Variants in ELOVL7 observed in about 807,000 individuals in gnomAD.
ELOVL7 encodes very long chain fatty acid elongase 7.
In ELOVL7, 27 loss-of-function variants were observed where a neutral mutation model predicts 35.7. The observed-to-expected ratio is 0.76, with a 90% confidence interval of 0.56 to 1.04. ELOVL7 has a LOEUF of 1.04. Among genes scored for constraint, ELOVL7 ranks in the 50% least tolerant of loss-of-function variants. ELOVL7 has a pLI of 0.00. For missense variants in ELOVL7, 327 were observed against 340.8 expected, an observed-to-expected ratio of 0.96 and a Z score of 0.32; for synonymous variants, 113 against 114.6, an observed-to-expected ratio of 0.99 and a Z score of 0.09.
chr5:60,795,065 A>C (rs1429466497), intron 2 of ELOVL7, among the ~76,000 whole-genome samples: 2 of 152,206 alleles, frequency 1.3e-5, no homozygotes, highest in African/African-American at 4.8e-5. Context: ...GGATCAGAAC[A>C]TGCCTTCAAA....
intron 1 of ELOVL7, among the ~76,000 whole-genome samples, chr5:60,817,482 T>C (rs1745578821): frequency 6.6e-6 from 1 of 151,186 alleles, no homozygotes; most frequent in Admixed American, 6.6e-5. Context: ...CTCTCAGACA[T>C]TGCTGATGGG....
At chr5:60,799,721 T>A (rs889025948) in intron 1 of ELOVL7, among the ~76,000 whole-genome samples, 5 of 152,172 alleles carry the variant, frequency 3.3e-5, no homozygotes, top group Admixed American at 2.6e-4. Context: ...AACTTCACTG[T>A]TAAATTCTAC....
chr5:60,807,330 ATTC>A (rs1314810881), intron 1 of ELOVL7, among the ~76,000 whole-genome samples: 1 of 152,174 alleles, frequency 6.6e-6, no homozygotes, highest in Non-Finnish European at 1.5e-5. Context: ...AGGTTCCTGA[ATTC>A]TTCTTTTTTT....
At chr5:60,800,261 G>C (rs1248133111) in intron 1 of ELOVL7, among the ~76,000 whole-genome samples, 9 of 152,074 alleles carry the variant, frequency 5.9e-5, no homozygotes, top group Non-Finnish European at 1.0e-4. Context: ...AAATTCAGTA[G>C]CACATAAAAA....
In ELOVL7 at chr5:60,754,185, G is replaced by C. The variant is rs998282167; in HGVS notation, c.*439C>G. The C allele has an allele frequency of 1.2e-5, 2 of 165,606 alleles. No individual in the cohort carries two copies. The highest frequency in any genetic ancestry group is 2.4e-5 in the African/African-American group (1 of 41,552). 10.3% of individuals were successfully genotyped at this position (165,606 alleles called of 1,614,324 possible). On this transcript the variant is annotated 3_prime_UTR_variant, in exon 9 of 9. Coordinates refer to ENST00000508821, the MANE Select transcript of ELOVL7 (RefSeq NM_024930.3). ...CTGAATACAGTCAATAAATGACAAAGCCAGGGCCTACAGGTGGTTTCCAGA... is the reference window on the plus strand; with the variant it reads ...CTGAATACAGTCAATAAATGACAAACCCAGGGCCTACAGGTGGTTTCCAGA...
chr5:60,819,082 AGGGGAGGGGAGG>A, intron 1 of ELOVL7, among the ~76,000 whole-genome samples: 1 of 630 alleles, frequency 1.6e-3, no homozygotes, highest in Admixed American at 0.012. Context: ...AGGGGAGGGG[AGGGGAGGGGAGG>A]GGAGGGGAGA....
chr5:60,811,699 T>C (rs990933235), intron 1 of ELOVL7, among the ~76,000 whole-genome samples: 8 of 152,156 alleles, frequency 5.3e-5, no homozygotes, highest in Admixed American at 5.2e-4. Flanking sequence ...CCCCTCACCA[T>C]GTGATGCCCT....
At chr5:60,821,300 A>G (rs1745872387) in intron 1 of ELOVL7, among the ~76,000 whole-genome samples, 1 of 152,176 alleles carries the variant, frequency 6.6e-6, no homozygotes, top group African/African-American at 2.4e-5. Flanking sequence ...TTCTAACCCC[A>G]ATTCCTAGGC....
intron 1 of ELOVL7, among the ~76,000 whole-genome samples, chr5:60,831,955 G>GA (rs1308884612): frequency 6.6e-6 from 1 of 152,020 alleles, no homozygotes; most frequent in Non-Finnish European, 1.5e-5. Flanking sequence ...GTCTTTCTGG[G>GA]AAAAAAGTAG....
chr5:60,765,218 T>C (rs1742165042), intron 6 of ELOVL7, among the ~76,000 whole-genome samples: 1 of 152,160 alleles, frequency 6.6e-6, no homozygotes, highest in South Asian at 2.1e-4. Flanking sequence ...CTTACGCACA[T>C]GGAAGAAGGC....
intron 6 of ELOVL7, among the ~76,000 whole-genome samples, chr5:60,764,970 G>A (rs1459024410): frequency 1.3e-5 from 2 of 152,182 alleles, no homozygotes; most frequent in African/African-American, 4.8e-5. Context: ...TAGAATTTGG[G>A]AGAGGGGGAA....
intron 3 of ELOVL7, among the ~76,000 whole-genome samples, chr5:60,777,011 G>T (rs1307086205): frequency 2.7e-5 from 4 of 149,114 alleles, no homozygotes; most frequent in African/African-American, 9.9e-5. Context: ...AAAATATTCA[G>T]ATTTCTCACT....
chr5:60,783,559 C>T (rs1276694080), intron 3 of ELOVL7, among the ~76,000 whole-genome samples: 1 of 152,108 alleles, frequency 6.6e-6, no homozygotes, highest in Non-Finnish European at 1.5e-5. Flanking sequence ...TGTTTATGAT[C>T]CCATTTGGGA....
At chr5:60,831,544 T>A (rs1286845538) in intron 1 of ELOVL7, among the ~76,000 whole-genome samples, 4 of 152,188 alleles carry the variant, frequency 2.6e-5, no homozygotes, top group Admixed American at 2.6e-4. Flanking sequence ...ATCAGGAGAA[T>A]CTTATTAGCG....
intron 5 of ELOVL7, among the ~76,000 whole-genome samples, chr5:60,767,614 T>C (rs1742320440): frequency 6.6e-6 from 1 of 152,186 alleles, no homozygotes; most frequent in Non-Finnish European, 1.5e-5. Context: ...ATCCAAGAAA[T>C]TAAAAAAGAA....
chr5:60,763,904 T>C (rs2112148483), intron 7 of ELOVL7, among the ~76,000 whole-genome samples: 1 of 152,248 alleles, frequency 6.6e-6, no homozygotes, highest in Middle Eastern at 3.4e-3. Flanking sequence ...GCCAAAGTTT[T>C]TACCATTTGA....
chr5:60,818,319 G>GAAAAAAA (rs60141189), intron 1 of ELOVL7, among the ~76,000 whole-genome samples: 1 of 70,592 alleles, frequency 1.4e-5, no homozygotes, highest in African/African-American at 5.5e-5. Context: ...TTCCATCTCA[G>GAAAAAAA]AAAAAAAAAA....
chr5:60,810,475 ATTATT>A (rs1351795345), intron 1 of ELOVL7, among the ~76,000 whole-genome samples: 2 of 152,252 alleles, frequency 1.3e-5, no homozygotes, highest in Non-Finnish European at 2.9e-5. Flanking sequence ...TGTTAGAAAC[ATTATT>A]TTATTCAAAA....
At chr5:60,775,921 T>C (rs1742875577) in intron 3 of ELOVL7, among the ~76,000 whole-genome samples, 1 of 152,178 alleles carries the variant, frequency 6.6e-6, no homozygotes, top group Non-Finnish European at 1.5e-5. Flanking sequence ...GACACTGGCC[T>C]TGGCAAAGGC....
Sources: allele counts gnomAD v4.1 joint callset (sites outside exome capture counted in the v4.1 genomes callset), GRCh38; gene constraint gnomAD v4.1.1; transcripts MANE v1.5; gene names NCBI Gene and HGNC (gene_info 2026-07-23, HGNC 2026-07-21).